FOXN3: variants seen among roughly 807,000 people sequenced by gnomAD.
The protein encoded by FOXN3 is forkhead box protein N3.
Under a neutral mutation model 38.4 loss-of-function variants are expected in FOXN3, and 7 were observed. The ratio of observed to expected loss-of-function variants is 0.18; its 90% confidence interval spans 0.10 to 0.34. The LOEUF is 0.34. Among genes scored for constraint, FOXN3 ranks in the 10% least tolerant of loss-of-function variants. The pLI is 1.00. For missense variants in FOXN3, 456 were observed against 613.4 expected, an observed-to-expected ratio of 0.74 and a Z score of 2.71; for synonymous variants, 230 against 242.2, an observed-to-expected ratio of 0.95 and a Z score of 0.47.
chr14:89,538,639 C>T (rs370666165), intron 1 of FOXN3, among the ~76,000 whole-genome samples: 7 of 152,256 alleles, frequency 4.6e-5, no homozygotes, highest in African/African-American at 1.7e-4. Context: ...CTGCCTCAGC[C>T]TCCCAAGTAG....
intron 2 of FOXN3, among the ~76,000 whole-genome samples, chr14:89,354,051 A>C (rs1252653978): frequency 6.6e-6 from 1 of 152,136 alleles, no homozygotes; most frequent in Non-Finnish European, 1.5e-5. Flanking sequence ...TATGCAAAGG[A>C]TAGAATGCTC....
intron 1 of FOXN3, among the ~76,000 whole-genome samples, chr14:89,428,239 G>A (rs1367659619): frequency 6.6e-6 from 1 of 152,170 alleles, no homozygotes; most frequent in Non-Finnish European, 1.5e-5. Flanking sequence ...TTGGAGATTA[G>A]CAATTTATTC....
At position 89,167,447 on chromosome 14, in the gene FOXN3, C is replaced by T. The variant is rs1001387417; in HGVS notation, c.852-4478G>A. 4.6e-5 allele frequency among the ~76,000 whole-genome samples: 7 copies of T among 152,194 alleles called. No homozygotes were observed. The South Asian group carries it at 8.3e-4, about 18-fold the overall frequency. On this transcript the variant is annotated intron_variant, in intron 5 of 5. Transcript: ENST00000557258. ...GGATATCATGTAGGGTAGTTGTCCT[C>T]CCCAGGGATTTAGTTGAGGACTCTG...
chr14:89,520,348 T>C (rs993293557), intron 1 of FOXN3, among the ~76,000 whole-genome samples: 1 of 152,160 alleles, frequency 6.6e-6, no homozygotes, highest in African/African-American at 2.4e-5. Flanking sequence ...AACGGGTTTT[T>C]TAAAAAAGAT....
Position 89,263,497 on chromosome 14 carries a change from C to T in FOXN3, c.745+17453G>A, listed in dbSNP as rs181070383. The stretch of plus-strand genomic sequence containing the variant: ...GTTTGGAGAGACTTTATAAAATATG[C>T]TTGAATTGTGATAAAAATTCTTGTT... On this transcript the variant is annotated intron_variant, in intron 4 of 5. Coordinates refer to ENST00000557258, the MANE Select transcript of FOXN3 (RefSeq NM_005197.4). The T allele has an allele frequency of 3.0e-4, 45 of 152,254 alleles. No individual in the cohort carries two copies. In the East Asian group the frequency reaches 8.7e-3, roughly 29 times the overall value. 9.4% of individuals were successfully genotyped at this position (152,254 alleles called of 1,614,324 possible). A position where few individuals can be genotyped will look rare whatever the true frequency, so the allele number is the denominator to read the frequency against.
At chr14:89,493,872 A>C (rs555504074) in intron 1 of FOXN3, 11 of 152,166 alleles carry the variant, frequency 7.2e-5, no homozygotes, top group Non-Finnish European at 8.8e-5. Context: ...AAAAAAAAAA[A>C]ATAGCTTCAT....
chr14:89,472,254 CAAA>C (rs1173781818), intron 1 of FOXN3, among the ~76,000 whole-genome samples: 6 of 105,558 alleles, frequency 5.7e-5, no homozygotes, highest in Admixed American at 1.0e-4. Context: ...GAACCCATCT[CAAA>C]AAAAAAAAAA....
intron 4 of FOXN3, chr14:89,185,823 C>G (rs529373104): frequency 6.6e-6 from 1 of 152,430 alleles, no homozygotes; most frequent in East Asian, 1.9e-4. Context: ...TTTTAACTAG[C>G]AAGAGGGCAA....
At position 89,397,124 on chromosome 14, in the gene FOXN3, G is replaced by A. The variant is rs540133239; in HGVS notation, c.543+14810C>T. Among the ~76,000 whole-genome samples, 9 of 152,216 alleles carry A rather than the reference G, an allele frequency of 5.9e-5. No individual in the cohort carries two copies. The South Asian group carries it at 1.2e-3, about 21-fold the overall frequency. ...CAGCCATAAACATAAATGAGATCAC[G>A]TCTTTTACGGGAACATGGATGCAGC... On this transcript the variant is annotated intron_variant, in intron 2 of 5. Transcript: ENST00000557258.
upstream of FOXN3, chr14:89,417,724 C>T (rs1313913177): frequency 2.2e-6 from 1 of 455,998 alleles, no homozygotes; most frequent in Non-Finnish European, 4.4e-6. Flanking sequence ...TCCACGTCTC[C>T]CCAGTGCTGC....
At chr14:89,191,691 A>G (rs755245933) in intron 4 of FOXN3, among the ~76,000 whole-genome samples, 2 of 151,632 alleles carry the variant, frequency 1.3e-5, no homozygotes, top group Non-Finnish European at 2.9e-5. Flanking sequence ...CATGATTGGT[A>G]AAAAGAGGCC....
intron 4 of FOXN3, among the ~76,000 whole-genome samples, chr14:89,216,447 A>C (rs189265005): frequency 0.018 from 2,776 of 152,072 alleles, 83 homozygotes; most frequent in African/African-American, 0.063. Flanking sequence ...CTCTCCCACA[A>C]CCTAACCCGG....
At chr14:89,478,086 G>A (rs966835) in intron 1 of FOXN3, among the ~76,000 whole-genome samples, 85,910 of 151,954 alleles carry the variant, frequency 0.57, 24,752 homozygotes, top group East Asian at 0.85. Context: ...GAACCCTCAT[G>A]AGTGGCTTGG....
chr14:89,556,324 A>T (rs1895122562), intron 1 of FOXN3, among the ~76,000 whole-genome samples: 1 of 151,012 alleles, frequency 6.6e-6, no homozygotes, highest in Admixed American at 6.6e-5. Flanking sequence ...AATCGCTTGA[A>T]CCCAGGAGGC....
At chr14:89,215,398 A>T (rs1884240974) in intron 4 of FOXN3, among the ~76,000 whole-genome samples, 1 of 151,292 alleles carries the variant, frequency 6.6e-6, no homozygotes, top group African/African-American at 2.4e-5. Flanking sequence ...AAGATATCTG[A>T]CTTCTTTACA....
At chr14:89,191,290 G>C (rs1887934399) in intron 4 of FOXN3, among the ~76,000 whole-genome samples, 1 of 152,208 alleles carries the variant, frequency 6.6e-6, no homozygotes, top group African/African-American at 2.4e-5. Context: ...CCCAAGAATG[G>C]TCACTGAATA....
chr14:89,522,019 C>CA (rs34340241), intron 1 of FOXN3, among the ~76,000 whole-genome samples: 36,367 of 136,026 alleles, frequency 0.27, 4,898 homozygotes, highest in East Asian at 0.39. Context: ...GACCCTGTCT[C>CA]AAAAAAAAAG....
At chr14:89,450,584 T>A (rs1892595588) in intron 1 of FOXN3, among the ~76,000 whole-genome samples, 1 of 130,676 alleles carries the variant, frequency 7.7e-6, no homozygotes, top group Admixed American at 8.3e-5. Context: ...CTCGACTTCA[T>A]CTTTCCTTTT....
chr14:89,448,249 CAA>C (rs1892548316), intron 1 of FOXN3, among the ~76,000 whole-genome samples: 1 of 152,142 alleles, frequency 6.6e-6, no homozygotes, highest in Non-Finnish European at 1.5e-5. Flanking sequence ...ATGTATTGAT[CAA>C]AGAGTTCATA....
Sources: gnomAD v4.1 joint callset for allele counts (sites outside exome capture counted in the v4.1 genomes callset) on GRCh38, gnomAD v4.1.1 for gene constraint, MANE v1.5 for transcripts, NCBI Gene and HGNC (gene_info 2026-07-23, HGNC 2026-07-21) for gene names.